Variants in LRRTM4 observed in about 807,000 individuals in gnomAD.
The protein encoded by LRRTM4 is leucine rich repeat transmembrane neuronal 4, also known as leucine-rich repeat transmembrane neuronal protein 4.
In LRRTM4, 25 loss-of-function variants were observed where a neutral mutation model predicts 47.6. The ratio of observed to expected loss-of-function variants is 0.53; its 90% CI spans 0.38 to 0.73. The LOEUF is 0.73. Among genes scored for constraint, LRRTM4 ranks in the 30% least tolerant of loss-of-function variants. LRRTM4 has a pLI of 0.00. For missense variants in LRRTM4, 638 were observed against 713.4 expected, an observed-to-expected ratio of 0.89 and a Z score of 1.20; for synonymous variants, 311 against 269.5, an observed-to-expected ratio of 1.15 and a Z score of -1.51.
intron 3 of LRRTM4, among the ~76,000 whole-genome samples, chr2:76,766,477 G>A (rs139328232): frequency 6.1e-4 from 93 of 152,282 alleles, no homozygotes; most frequent in Non-Finnish European, 1.1e-3. Flanking sequence ...TCTTTGGATT[G>A]CATATTGGCT....
In LRRTM4 at chr2:76,965,831, A is replaced by G. The variant is rs1022091563; in HGVS notation, c.1552-216915T>C. On this transcript the variant is annotated intron_variant, in intron 3 of 3. Transcript: ENST00000409884. ...TTATATGTGCTCATTTAGGACAATT[A>G]AAAACTATGCAAATGAAAGTACTAA... Among the ~76,000 whole-genome samples the G allele has an allele frequency of 2.0e-5, 3 of 151,516 alleles. No individual in the cohort carries two copies. The Admixed American group carries it at 2.0e-4, about 10-fold the overall frequency.
At chr2:77,113,228 C>T (rs964731629) in intron 3 of LRRTM4, among the ~76,000 whole-genome samples, 3 of 152,052 alleles carry the variant, frequency 2.0e-5, no homozygotes, top group African/African-American at 7.2e-5. Flanking sequence ...CCTCTGACCA[C>T]CAGGTACGGA....
chr2:77,088,655 C>G (rs1357206087), intron 3 of LRRTM4, among the ~76,000 whole-genome samples: 2 of 152,192 alleles, frequency 1.3e-5, no homozygotes, highest in African/African-American at 2.4e-5. Context: ...TTGGTGGTCT[C>G]TTCACACGGA....
At chr2:77,442,441 T>C (rs1441677816) in intron 3 of LRRTM4, among the ~76,000 whole-genome samples, 2 of 152,166 alleles carry the variant, frequency 1.3e-5, no homozygotes, top group Non-Finnish European at 2.9e-5. Context: ...TTTTATATAG[T>C]GCAATTCAAA....
intron 3 of LRRTM4, among the ~76,000 whole-genome samples, chr2:77,138,090 T>C (rs575503688): frequency 1.3e-5 from 2 of 152,186 alleles, no homozygotes; most frequent in Non-Finnish European, 2.9e-5. Context: ...AACAAGGATA[T>C]CCAGGAATTG....
chr2:76,952,141 C>A (rs1675519286), intron 3 of LRRTM4, among the ~76,000 whole-genome samples: 1 of 151,894 alleles, frequency 6.6e-6, no homozygotes. Flanking sequence ...CTATAGTAGG[C>A]TTTTGGCAAA....
chr2:76,790,070 T>A (rs1176529058), intron 3 of LRRTM4, among the ~76,000 whole-genome samples: 1 of 152,168 alleles, frequency 6.6e-6, no homozygotes, highest in Non-Finnish European at 1.5e-5. Flanking sequence ...TCCCTTCATC[T>A]TTTCACCACT....
intron 3 of LRRTM4, among the ~76,000 whole-genome samples, chr2:77,070,847 T>G (rs1056943759): frequency 1.3e-5 from 2 of 152,156 alleles, no homozygotes; most frequent in African/African-American, 4.8e-5. Context: ...GCCAGGCTGG[T>G]CTCGAACTCC....
chr2:77,153,867 G>T (rs968963359), intron 3 of LRRTM4, among the ~76,000 whole-genome samples: 15 of 152,070 alleles, frequency 9.9e-5, no homozygotes, highest in African/African-American at 3.6e-4. Flanking sequence ...TAGTGAAAAA[G>T]AAACTTTTAA....
intron 3 of LRRTM4, among the ~76,000 whole-genome samples, chr2:76,915,679 T>G (rs1205721631): frequency 6.6e-6 from 1 of 152,090 alleles, no homozygotes; most frequent in African/African-American, 2.4e-5. Context: ...CATCTCAAAT[T>G]TTCTAGGACA....
chr2:77,266,810 A>T (rs943928305), intron 3 of LRRTM4, among the ~76,000 whole-genome samples: 1 of 152,120 alleles, frequency 6.6e-6, no homozygotes, highest in African/African-American at 2.4e-5. Flanking sequence ...GAAGCTTAAG[A>T]CTGGAACAGG....
chr2:77,351,114 C>T (rs182604355), intron 3 of LRRTM4, among the ~76,000 whole-genome samples: 2 of 152,218 alleles, frequency 1.3e-5, no homozygotes, highest in Admixed American at 1.3e-4. Flanking sequence ...TTGTTCCTCT[C>T]TATGTGCTCA....
chr2:76,982,565 G>A (rs895669885), intron 3 of LRRTM4, among the ~76,000 whole-genome samples: 1 of 152,054 alleles, frequency 6.6e-6, no homozygotes, highest in South Asian at 2.1e-4. Flanking sequence ...GAAGGAGCTT[G>A]TATCTAGAAG....
At chr2:76,960,268 C>G (rs749830085) in intron 3 of LRRTM4, among the ~76,000 whole-genome samples, 1 of 151,290 alleles carries the variant, frequency 6.6e-6, no homozygotes, top group Non-Finnish European at 1.5e-5. Context: ...AACAATGCTA[C>G]GAGAGAGATA....
intron 3 of LRRTM4, among the ~76,000 whole-genome samples, chr2:77,164,192 CA>C (rs1672813501): frequency 6.6e-6 from 1 of 152,054 alleles, no homozygotes; most frequent in African/African-American, 2.4e-5. Flanking sequence ...TTTAAACCAA[CA>C]AAGATCAAAA....
intron 3 of LRRTM4, among the ~76,000 whole-genome samples, chr2:77,401,290 A>G (rs538555663): frequency 8.5e-5 from 13 of 152,052 alleles, no homozygotes; most frequent in African/African-American, 2.9e-4. Context: ...GCAGACTAAC[A>G]TTTGAGAATC....
chr2:77,087,165 G>A (rs1296664958), intron 3 of LRRTM4, among the ~76,000 whole-genome samples: 3 of 152,244 alleles, frequency 2.0e-5, no homozygotes, highest in Non-Finnish European at 4.4e-5. Flanking sequence ...TCTGTAGACA[G>A]GAAACAACCT....
intron 3 of LRRTM4, among the ~76,000 whole-genome samples, chr2:76,862,641 GCA>G (rs148424206): frequency 1.3e-5 from 2 of 152,050 alleles, no homozygotes; most frequent in Admixed American, 1.3e-4. Flanking sequence ...GCGTGCGCGC[GCA>G]CACACACACA....
chr2:77,073,683 T>C (rs1340256951), intron 3 of LRRTM4, among the ~76,000 whole-genome samples: 32 of 152,112 alleles, frequency 2.1e-4, no homozygotes, highest in Non-Finnish European at 1.5e-5. Flanking sequence ...TGAGTGAATG[T>C]GAATATAAGA....
Sources: allele counts gnomAD v4.1 joint callset (sites outside exome capture counted in the v4.1 genomes callset), GRCh38; gene constraint gnomAD v4.1.1; transcripts MANE v1.5; gene names NCBI Gene and HGNC (gene_info 2026-07-23, HGNC 2026-07-21).